The following AUH variants were observed in gnomAD, a reference collection of about 807,000 sequenced individuals.
The protein encoded by AUH is AU RNA binding methylglutaconyl-CoA hydratase.
AUH carries 29 observed loss-of-function variants against 42.3 expected under a neutral mutation model. The observed-to-expected ratio is 0.69, with a 90% confidence interval of 0.51 to 0.93. The LOEUF (loss-of-function observed/expected upper bound fraction) is 0.93, where lower values mean the gene tolerates loss of function less well. Ranked by LOEUF, AUH falls within the 40% of genes least tolerant of loss-of-function variation. The probability of loss-of-function intolerance (pLI) is 0.00; values close to 1 mark genes in which losing one functional copy is unlikely to be tolerated. For missense variants in AUH, 452 were observed against 438.1 expected, an observed-to-expected ratio of 1.03 and a Z score of -0.28; for synonymous variants, 174 against 166.4, an observed-to-expected ratio of 1.05 and a Z score of -0.35.
At chr9:91,343,976 C>G (rs1323477458) in intron 3 of AUH, among the ~76,000 whole-genome samples, 1 of 152,090 alleles carries the variant, frequency 6.6e-6, no homozygotes, top group Non-Finnish European at 1.5e-5. Context: ...AAGGGCAATC[C>G]AAAGCTAACC....
At chr9:91,247,255 C>G (rs904980277) in intron 6 of AUH, among the ~76,000 whole-genome samples, 2 of 152,156 alleles carry the variant, frequency 1.3e-5, no homozygotes, top group Admixed American at 1.3e-4. Flanking sequence ...CAACTTCAAC[C>G]GATAGTGCTA....
At chr9:91,221,737 T>C (rs1053917268) in intron 6 of AUH, among the ~76,000 whole-genome samples, 3 of 152,190 alleles carry the variant, frequency 2.0e-5, no homozygotes, top group African/African-American at 7.2e-5. Context: ...GTGGGTATAT[T>C]AGCATGATTT....
intron 6 of AUH, among the ~76,000 whole-genome samples, chr9:91,242,491 G>C (rs1018574159): frequency 3.3e-5 from 5 of 152,198 alleles, no homozygotes; most frequent in Non-Finnish European, 1.5e-5. Flanking sequence ...AAAAATAATA[G>C]AGGAGGAAAA....
chr9:91,304,868 G>GT (rs1828087833), intron 4 of AUH, among the ~76,000 whole-genome samples: 1 of 152,192 alleles, frequency 6.6e-6, no homozygotes, highest in African/African-American at 2.4e-5. Context: ...TGTGCACCAA[G>GT]TAACAGAGGT....
At chr9:91,278,327 A>G (rs546784025) in intron 6 of AUH, among the ~76,000 whole-genome samples, 305 of 152,378 alleles carry the variant, frequency 2.0e-3, no homozygotes, top group African/African-American at 7.0e-3. Context: ...ATTATTTTAT[A>G]AAAGTCAATT....
At chr9:91,280,129 TCA>T (rs1283495382) in intron 6 of AUH, among the ~76,000 whole-genome samples, 2 of 152,180 alleles carry the variant, frequency 1.3e-5, no homozygotes, top group African/African-American at 4.8e-5. Context: ...AAAAGTGAAT[TCA>T]GTTTTATTTT....
chr9:91,288,671 C>T (rs941795631), intron 6 of AUH, among the ~76,000 whole-genome samples: 1 of 152,108 alleles, frequency 6.6e-6, no homozygotes, highest in African/African-American at 2.4e-5. Flanking sequence ...CTTTTAATTA[C>T]ATCTGATATA....
At chr9:91,326,878 A>G (rs1477368899) in intron 3 of AUH, among the ~76,000 whole-genome samples, 2 of 152,218 alleles carry the variant, frequency 1.3e-5, no homozygotes, top group Admixed American at 6.5e-5. Flanking sequence ...CCAAAAACAA[A>G]TAACTGGCTT....
At chr9:91,302,464 C>A (rs1347275876) in intron 4 of AUH, among the ~76,000 whole-genome samples, 1 of 152,168 alleles carries the variant, frequency 6.6e-6, no homozygotes, top group Non-Finnish European at 1.5e-5. Flanking sequence ...TGGTACATGA[C>A]TGTAATCCCA....
At chr9:91,274,668 C>T (rs1825406408) in intron 6 of AUH, among the ~76,000 whole-genome samples, 1 of 151,956 alleles carries the variant, frequency 6.6e-6, no homozygotes. Context: ...GGACTTAATC[C>T]ACATTAAATA....
At chr9:91,324,529 A>AC (rs1681216267) in intron 4 of AUH, among the ~76,000 whole-genome samples, 1 of 149,740 alleles carries the variant, frequency 6.7e-6, no homozygotes. Context: ...TTAAAAAAAA[A>AC]AAAAAACTAA....
At chr9:91,308,918 A>G (rs1253897706) in intron 4 of AUH, among the ~76,000 whole-genome samples, 1 of 151,384 alleles carries the variant, frequency 6.6e-6, no homozygotes, top group Non-Finnish European at 1.5e-5. Context: ...AGCCTTCCAA[A>G]TAGCTGGCAT....
At position 91,220,804 on chromosome 9, in the gene AUH, C is replaced by G. The variant is rs1390046531; in HGVS notation, c.843+1G>C. On this transcript the variant is annotated splice_donor_variant, in intron 7 of 9. Transcript: ENST00000375731. LOFTEE classifies it high-confidence loss of function. ...AAATAAACTCATTTAATGAGAAATA[C>G]CTGAGGTAAAAACTCTCTCGCCAGG... 6.8e-6 allele frequency: 11 copies of G among 1,613,926 alleles called. No individual in the cohort carries two copies. The highest frequency in any genetic ancestry group is 9.3e-6 in the Non-Finnish European group (11 of 1,180,014).
chr9:91,254,275 A>G (rs946463453), intron 6 of AUH, among the ~76,000 whole-genome samples: 1 of 152,322 alleles, frequency 6.6e-6, no homozygotes, highest in South Asian at 2.1e-4. Context: ...ACAAAGCACT[A>G]TGGGAGGAAG....
At chr9:91,261,600 C>T (rs1239159740) in intron 6 of AUH, among the ~76,000 whole-genome samples, 1 of 152,242 alleles carries the variant, frequency 6.6e-6, no homozygotes, top group Non-Finnish European at 1.5e-5. Flanking sequence ...TTCTGTTCTT[C>T]TGTGTAGCTA....
intron 3 of AUH, among the ~76,000 whole-genome samples, chr9:91,339,653 CAT>C (rs1830957057): frequency 6.6e-6 from 1 of 152,202 alleles, no homozygotes; most frequent in Non-Finnish European, 1.5e-5. Flanking sequence ...ACAGTGAGCA[CAT>C]GTTGTACCCA....
At chr9:91,313,744 A>AC (rs545606271) in intron 4 of AUH, among the ~76,000 whole-genome samples, 8 of 150,850 alleles carry the variant, frequency 5.3e-5, no homozygotes, top group Admixed American at 3.3e-4. Flanking sequence ...AAATGAACAA[A>AC]CTTTATGAGA....
At chr9:91,260,476 G>GT (rs1829652948) in intron 6 of AUH, among the ~76,000 whole-genome samples, 1 of 152,066 alleles carries the variant, frequency 6.6e-6, no homozygotes. Flanking sequence ...CTTACTAGCT[G>GT]TATTTCTCTC....
intron 2 of AUH, 27 bp from the exon 3 acceptor site, chr9:91,355,997 GAA>G (rs1832384407): frequency 6.3e-7 from 1 of 1,586,606 alleles, no homozygotes; most frequent in African/African-American, 1.4e-5. Context: ...AGCATAGGAG[GAA>G]AAAGAGAAAA....
Sources: gnomAD v4.1 joint callset for allele counts (sites outside exome capture counted in the v4.1 genomes callset) on GRCh38, gnomAD v4.1.1 for gene constraint, MANE v1.5 for transcripts, NCBI Gene and HGNC (gene_info 2026-07-23, HGNC 2026-07-21) for gene names.